UTRN: variants seen among roughly 807,000 people sequenced by gnomAD.
UTRN encodes the protein dystrophin-related protein 1.
A neutral mutation model predicts 463.9 loss-of-function variants in UTRN; 283 were observed. The ratio of observed to expected loss-of-function variants is 0.61; its 90% CI spans 0.55 to 0.67. UTRN has a LOEUF of 0.67. Among genes scored for constraint, UTRN ranks in the 30% least tolerant of loss-of-function variants. The probability of loss-of-function intolerance (pLI) is 0.00; values close to 1 mark genes in which losing one functional copy is unlikely to be tolerated. For synonymous variants in UTRN, 1,442 were observed against 1,431.5 expected (o/e 1.01, Z -0.17); for missense variants, 3,922 against 4,084.3 (o/e 0.96, Z 1.08).
intron 34 of UTRN, among the ~76,000 whole-genome samples, chr6:144,500,485 T>C (rs533237776): frequency 5.6e-4 from 86 of 152,312 alleles, no homozygotes; most frequent in Admixed American, 5.4e-3. Flanking sequence ...TTTAATAAGA[T>C]ATTTTTATCC....
At chr6:144,559,772 G>T (rs537160724) in intron 50 of UTRN, among the ~76,000 whole-genome samples, 2 of 152,014 alleles carry the variant, frequency 1.3e-5, no homozygotes, top group Non-Finnish European at 2.9e-5. Flanking sequence ...TACATAAAAA[G>T]AATACATTTT....
At chr6:144,317,644 A>G (rs1462451864) in intron 2 of UTRN, among the ~76,000 whole-genome samples, 2 of 152,024 alleles carry the variant, frequency 1.3e-5, no homozygotes, top group African/African-American at 4.8e-5. Flanking sequence ...TGATCCACCC[A>G]CCTCGGCCTC....
chr6:144,687,736 T>C (rs971965240), intron 52 of UTRN, among the ~76,000 whole-genome samples: 1 of 152,156 alleles, frequency 6.6e-6, no homozygotes, highest in African/African-American at 2.4e-5. Context: ...TCGATAAGTT[T>C]TTCTTTATAG....
At chr6:144,640,427 G>T (rs1452415253) in intron 51 of UTRN, among the ~76,000 whole-genome samples, 6 of 152,122 alleles carry the variant, frequency 3.9e-5, no homozygotes, top group Non-Finnish European at 7.3e-5. Flanking sequence ...AAGCTTTACA[G>T]TGTCTAAACT....
At chr6:144,640,410 A>G (rs531811012) in intron 51 of UTRN, among the ~76,000 whole-genome samples, 1 of 152,312 alleles carries the variant, frequency 6.6e-6, no homozygotes, top group East Asian at 1.9e-4. Context: ...ATACCAAGGA[A>G]CCCCAAAAGC....
intron 51 of UTRN, among the ~76,000 whole-genome samples, chr6:144,675,183 G>T (rs1287073768): frequency 6.6e-6 from 1 of 152,126 alleles, no homozygotes; most frequent in Non-Finnish European, 1.5e-5. Flanking sequence ...TTCCCCTAGG[G>T]ATGGGGCTTC....
At chr6:144,602,620 T>C (rs1416629297) in intron 51 of UTRN, among the ~76,000 whole-genome samples, 2 of 151,796 alleles carry the variant, frequency 1.3e-5, no homozygotes, top group Non-Finnish European at 2.9e-5. Context: ...GTGGTGGGAG[T>C]AGATTAATAA....
chr6:144,451,234 C>G, intron 17 of UTRN, 136 bp from the exon 18 acceptor site: 2 of 831,996 alleles, frequency 2.4e-6, no homozygotes, highest in Non-Finnish European at 3.6e-6. Context: ...GCATGGTTAC[C>G]CTATTTCTGG....
chr6:144,559,278 C>T (rs1799654418), intron 50 of UTRN, among the ~76,000 whole-genome samples: 1 of 151,836 alleles, frequency 6.6e-6, no homozygotes, highest in African/African-American at 2.4e-5. Flanking sequence ...AAGTGGTTGT[C>T]CTTATTGTGT....
At chr6:144,595,733 G>A (rs1803576613) in intron 51 of UTRN, among the ~76,000 whole-genome samples, 1 of 152,200 alleles carries the variant, frequency 6.6e-6, no homozygotes, top group South Asian at 2.1e-4. Flanking sequence ...AATCTTAGAT[G>A]CTGGGAAGGC....
chr6:144,547,713 G>C (rs1434265032), intron 46 of UTRN, among the ~76,000 whole-genome samples: 3 of 152,116 alleles, frequency 2.0e-5, no homozygotes, highest in Admixed American at 1.3e-4. Flanking sequence ...ATAATATACT[G>C]AGTTAATAAT....
At chr6:144,698,953 G>C (rs1403067717) in intron 52 of UTRN, among the ~76,000 whole-genome samples, 1 of 152,174 alleles carries the variant, frequency 6.6e-6, no homozygotes, top group Non-Finnish European at 1.5e-5. Context: ...TCGCCCAACT[G>C]TTCTCTATTC....
At chr6:144,470,551 G>C (rs561303297) in intron 23 of UTRN, among the ~76,000 whole-genome samples, 107 of 151,026 alleles carry the variant, frequency 7.1e-4, no homozygotes, top group African/African-American at 2.6e-3. Context: ...ACAGGATGAC[G>C]GCCGGGAAGA....
At chr6:144,459,461 C>T in intron 21 of UTRN, 107 bp downstream of exon 21, 1 of 1,255,918 alleles carries the variant, frequency 8.0e-7, no homozygotes, top group Non-Finnish European at 1.1e-6. Context: ...CCAACCTTCT[C>T]CATTTTCCTT....
intron 54 of UTRN, among the ~76,000 whole-genome samples, chr6:144,744,316 ATATATGTG>A (rs1317046683): frequency 6.6e-5 from 8 of 121,624 alleles, no homozygotes; most frequent in African/African-American, 2.8e-4. Flanking sequence ...ATATATATAT[ATATATGTG>A]TGTGTGTGTG....
At chr6:144,728,406 T>C (rs889432440) in intron 53 of UTRN, among the ~76,000 whole-genome samples, 1 of 152,084 alleles carries the variant, frequency 6.6e-6, no homozygotes, top group Non-Finnish European at 1.5e-5. Flanking sequence ...AAATCTTTTT[T>C]TTTCCATTTT....
intron 60 of UTRN, among the ~76,000 whole-genome samples, chr6:144,775,552 G>A (rs531773682): frequency 3.3e-5 from 5 of 152,158 alleles, no homozygotes; most frequent in Admixed American, 6.5e-5. Context: ...TATGTTGAGC[G>A]AAAAGAGAAT....
At chr6:144,580,012 A>G (rs1272276697) in intron 51 of UTRN, among the ~76,000 whole-genome samples, 1 of 152,202 alleles carries the variant, frequency 6.6e-6, no homozygotes. Context: ...GAAGATTGTT[A>G]GAGATTTAGT....
chr6:144,820,762 A>G, intron 65 of UTRN, 120 bp from the exon 66 acceptor site: 10 of 1,296,664 alleles, frequency 7.7e-6, no homozygotes, highest in Non-Finnish European at 1.0e-5. Context: ...TCAAAAATGC[A>G]TAAAACTACC....
Sources: allele counts gnomAD v4.1 joint callset (sites outside exome capture counted in the v4.1 genomes callset), GRCh38; gene constraint gnomAD v4.1.1; transcripts MANE v1.5; gene names NCBI Gene and HGNC (gene_info 2026-07-23, HGNC 2026-07-21).